BIRC6: variants seen among roughly 807,000 people sequenced by gnomAD.
The protein encoded by BIRC6 is baculoviral IAP repeat containing 6, also known as dual E2 ubiquitin-conjugating enzyme/E3 ubiquitin-protein ligase BIRC6.
Under a neutral mutation model 503.3 loss-of-function variants are expected in BIRC6, and 98 were observed. The ratio of observed to expected loss-of-function variants is 0.19; its 90% confidence interval spans 0.17 to 0.23. The LOEUF (loss-of-function observed/expected upper bound fraction) is 0.23. Ranked by LOEUF, BIRC6 falls within the 10% of genes least tolerant of loss-of-function variation. The probability of loss-of-function intolerance (pLI) is 1.00; values close to 1 mark genes in which losing one functional copy is unlikely to be tolerated. For missense variants in BIRC6, 5,360 were observed against 5,806.0 expected, an observed-to-expected ratio of 0.92 and a Z score of 2.50; for synonymous variants, 2,240 against 2,078.7, an observed-to-expected ratio of 1.08 and a Z score of -2.11.
chr2:32,408,979 A>G (rs1305206317), intron 9 of BIRC6, among the ~76,000 whole-genome samples: 2 of 152,164 alleles, frequency 1.3e-5, no homozygotes, highest in Non-Finnish European at 2.9e-5. Flanking sequence ...TCATGTATAT[A>G]TATTTGATAT....
chr2:32,614,612 G>A (rs1412725992), intron 73 of BIRC6, among the ~76,000 whole-genome samples: 2 of 152,202 alleles, frequency 1.3e-5, no homozygotes, highest in Non-Finnish European at 2.9e-5. Context: ...CAGATCACTT[G>A]TGGTCAGGAG....
chr2:32,385,020 C>T (rs922787751), intron 3 of BIRC6, among the ~76,000 whole-genome samples: 1 of 152,198 alleles, frequency 6.6e-6, no homozygotes, highest in African/African-American at 2.4e-5. Flanking sequence ...ATTAGCAACT[C>T]TGTTAACTAG....
At chr2:32,611,087 T>C (rs572373142) in intron 72 of BIRC6, among the ~76,000 whole-genome samples, 1 of 150,968 alleles carries the variant, frequency 6.6e-6, no homozygotes, top group South Asian at 2.1e-4. Flanking sequence ...CCTGCTAATA[T>C]TGTAGAGTTG....
At chr2:32,401,648 T>C (rs1190456727) in intron 8 of BIRC6, 25 bp downstream of exon 8, 1 of 1,579,536 alleles carries the variant, frequency 6.3e-7, no homozygotes, top group African/African-American at 1.4e-5. Context: ...TTTAGTAGTA[T>C]TTAATAGATG....
At position 32,430,925 on chromosome 2, in the gene BIRC6, T is replaced by G; in HGVS notation, c.3083T>G (p.Leu1028Arg). Residue 1028 changes from leucine to arginine, a missense_variant, in exon 12 of 74, where the codon CTA becomes CGA. Around this residue, in one of 16 missense-constraint regions of BIRC6, gnomAD observed 700 missense variants for 739.3 expected, o/e 0.95. Coordinates refer to ENST00000421745, the MANE Select transcript of BIRC6 (RefSeq NM_016252.4). ...TLEILTSLVE[L>R]TRFETLTPRF... is the part of the protein sequence containing the mutation. ...GAAATCTTGACATCCCTAGTGGAGC[T>G]AACCCGCTTTGAGACTTTGACTCCA... 6.2e-7 allele frequency: 1 copy of G among 1,608,898 alleles called. No homozygotes were observed. Among genetic ancestry groups the G allele is most frequent in the Non-Finnish European group, 8.5e-7 (1 of 1,177,346 alleles).
chr2:32,408,922 G>A (rs754448181), intron 9 of BIRC6, among the ~76,000 whole-genome samples: 3 of 152,036 alleles, frequency 2.0e-5, no homozygotes, highest in Non-Finnish European at 2.9e-5. Flanking sequence ...AACTAATTTT[G>A]TTATATTGGA....
intron 68 of BIRC6, among the ~76,000 whole-genome samples, chr2:32,595,379 G>A (rs929248133): frequency 1.3e-5 from 2 of 152,122 alleles, no homozygotes; most frequent in African/African-American, 4.8e-5. Flanking sequence ...ATAAATCCAA[G>A]CCAAGTGTCT....
chr2:32,450,228 C>A (rs1008393988), intron 22 of BIRC6, among the ~76,000 whole-genome samples: 1 of 152,138 alleles, frequency 6.6e-6, no homozygotes, highest in Admixed American at 6.5e-5. Context: ...CCTGTAATCC[C>A]AGCACTTTGG....
intron 1 of BIRC6, among the ~76,000 whole-genome samples, chr2:32,371,332 G>A (rs1573712647): frequency 6.6e-6 from 1 of 151,566 alleles, no homozygotes; most frequent in Non-Finnish European, 1.5e-5. Context: ...ACCTAGAGAT[G>A]GGCATTGTTA....
intron 66 of BIRC6, among the ~76,000 whole-genome samples, chr2:32,583,665 T>TG (rs1224115375): frequency 6.6e-6 from 1 of 152,358 alleles, no homozygotes; most frequent in East Asian, 1.9e-4. Context: ...ATGTGACATT[T>TG]GGTACATTAG....
chr2:32,428,044 C>G (rs1574134034), intron 10 of BIRC6, among the ~76,000 whole-genome samples: 1 of 152,158 alleles, frequency 6.6e-6, no homozygotes, highest in Non-Finnish European at 1.5e-5. Context: ...TTTGGGGCAG[C>G]AGAGCTTAGT....
rs1467173135 is a variant in BIRC6, at chr2:32,453,795, C to A, written c.4619-13C>A. ...TATCTTCACGTGTTATAAAACTTGT[C>A]TTTTGCCATTAGGAAATGGAAAGGT... is the stretch of plus-strand genomic sequence containing the variant. On this transcript the variant is annotated splice_polypyrimidine_tract_variant and intron_variant, in intron 22 of 73. Transcript: ENST00000421745. 1.2e-6 allele frequency: 2 copies of A among 1,610,010 alleles called. No homozygotes were observed. The highest frequency in any genetic ancestry group is 1.7e-6 in the Non-Finnish European group (2 of 1,178,512).
chr2:32,359,576 G>C (rs1406801912), intron 1 of BIRC6, among the ~76,000 whole-genome samples: 1 of 152,150 alleles, frequency 6.6e-6, no homozygotes, highest in Non-Finnish European at 1.5e-5. Flanking sequence ...GGATACAATT[G>C]CAGGTCCCCA....
intron 4 of BIRC6, among the ~76,000 whole-genome samples, chr2:32,391,820 CAA>C (rs762780223): frequency 6.6e-6 from 1 of 152,194 alleles, no homozygotes; most frequent in Non-Finnish European, 1.5e-5. Context: ...AGTTGTTTAT[CAA>C]CTGCAGCCAC....
intron 33 of BIRC6, 122 bp downstream of exon 33, chr2:32,473,361 C>G: frequency 1.3e-6 from 1 of 759,030 alleles, no homozygotes; most frequent in East Asian, 2.9e-5. Flanking sequence ...TTAGGAAAAT[C>G]ATCTAACACT....
Position 32,545,707 on chromosome 2 carries a change from C to G in BIRC6, c.12657C>G (p.Ser4219Arg). 1.9e-6 allele frequency: 3 copies of G among 1,613,884 alleles called. No individual in the cohort carries two copies. Among genetic ancestry groups the G allele is most frequent in the Non-Finnish European group, 2.5e-6 (3 of 1,179,820 alleles). The change falls in exon 63 of 74, where the codon AGC becomes AGG. Residue 4219 changes from serine to arginine, a missense_variant. Around this residue, in one of 16 missense-constraint regions of BIRC6, gnomAD observed 477 missense variants for 574.4 expected, o/e 0.83. Coordinates refer to ENST00000421745, the MANE Select transcript of BIRC6 (RefSeq NM_016252.4). ...LPTLPFHVLR[S>R]LFSTTPLTTD... ...CCCTTCCTTTCCACGTCCTTCGTAGCTTGTTTAGCACTACACCTTTGACAA... is the reference window on the plus strand; with the variant it reads ...CCCTTCCTTTCCACGTCCTTCGTAGGTTGTTTAGCACTACACCTTTGACAA...
At chr2:32,532,019 G>C (rs1013468080) in intron 61 of BIRC6, 23 of 475,802 alleles carry the variant, frequency 4.8e-5, no homozygotes, top group Non-Finnish European at 9.2e-5. Context: ...GTCAATGTCT[G>C]TGCTTTCCAT....
intron 36 of BIRC6, 106 bp downstream of exon 36, chr2:32,478,924 T>C (rs540868472): frequency 9.3e-7 from 1 of 1,070,904 alleles, no homozygotes; most frequent in Admixed American, 2.6e-5. Flanking sequence ...TTTAACCCCC[T>C]AAAAGCATAA....
chr2:32,571,378 C>CTTTT (rs61599835), intron 65 of BIRC6, among the ~76,000 whole-genome samples: 856 of 20,276 alleles, frequency 0.042, 47 homozygotes, highest in East Asian at 0.053. Flanking sequence ...TGGTCCTGGG[C>CTTTT]TTTTTTTTTT....
Sources: allele counts gnomAD v4.1 joint callset (sites outside exome capture counted in the v4.1 genomes callset), GRCh38; gene constraint gnomAD v4.1.1; regional missense constraint gnomAD v4.1.1; transcripts MANE v1.5; gene names NCBI Gene and HGNC (gene_info 2026-07-23, HGNC 2026-07-21).